Variants in INTU observed in about 807,000 individuals in gnomAD.
INTU encodes the protein inturned planar cell polarity protein.
INTU carries 68 observed loss-of-function variants against 100.5 expected under a neutral mutation model. That is an observed-to-expected ratio of 0.68 (90% CI 0.56 to 0.83). INTU has a LOEUF of 0.83. INTU is among the 40% of genes least tolerant of loss of function. INTU has a pLI of 0.00. For missense variants in INTU, 1,071 were observed against 1,114.7 expected (o/e 0.96, Z 0.56); for synonymous variants, 357 against 395.7 (o/e 0.90, Z 1.16).
At position 127,687,829 on chromosome 4, in the gene INTU, C is replaced by T. The variant is rs867169973; in HGVS notation, c.1411C>T (p.Pro471Ser). The T allele has an allele frequency of 6.3e-7, 1 of 1,599,968 alleles. No individual in the cohort carries two copies. The highest frequency in any genetic ancestry group is 1.7e-5 in the Admixed American group (1 of 59,454). The change falls in exon 8 of 16, where the codon CCT becomes TCT. Residue 471 changes from proline (P) to serine (S), a missense_variant. By Grantham distance (74) the Pro-to-Ser change is moderately conservative. Coordinates refer to ENST00000335251, the MANE Select transcript of INTU (RefSeq NM_015693.4). ...CAGTGCAGTACTTTTAGACAACCTC[C>T]CTGGAGTCCGGTGGCTCACACTTCC... Reference protein sequence around the residue: ...ASSAVLLDNLPGVRWLTLPLE... With the variant: ...ASSAVLLDNLSGVRWLTLPLE...
At chr4:127,706,992 A>G (rs376149191) in intron 12 of INTU, 23 bp downstream of exon 12, 3 of 1,585,658 alleles carry the variant, frequency 1.9e-6, no homozygotes, top group Middle Eastern at 1.7e-4. Context: ...TCAAGTGTGT[A>G]TGTTCTGGGA....
At chr4:127,663,673 A>T (rs1465834605) in intron 4 of INTU, 89 bp downstream of exon 4, 4 of 951,052 alleles carry the variant, frequency 4.2e-6, no homozygotes, top group Non-Finnish European at 6.5e-6. Flanking sequence ...CCCAGTGAAT[A>T]GTGAGTATAT....
intron 2 of INTU, among the ~76,000 whole-genome samples, chr4:127,653,496 G>T (rs1016346843): frequency 4.6e-5 from 7 of 151,620 alleles, no homozygotes; most frequent in East Asian, 1.9e-4. Flanking sequence ...AGTCATTCAG[G>T]AGCAGGTTGT....
At chr4:127,700,240 C>T (rs1487253548) in intron 9 of INTU, among the ~76,000 whole-genome samples, 177 bp downstream of exon 9, 6 of 152,042 alleles carry the variant, frequency 3.9e-5, no homozygotes, top group Admixed American at 3.9e-4. Context: ...TGAGTTTAAA[C>T]AGTTGTTACA....
At chr4:127,657,130 A>C (rs898759613) in intron 3 of INTU, among the ~76,000 whole-genome samples, 25 of 152,162 alleles carry the variant, frequency 1.6e-4, no homozygotes, top group Non-Finnish European at 3.4e-4. Context: ...TTTTATTTTA[A>C]AAACAAATCA....
At position 127,706,512 on chromosome 4, in the gene INTU, T is replaced by G. The variant is rs1201638254; in HGVS notation, c.1814T>G (p.Leu605Ter). ...GLKHYMLCVL[L>*]EAGGCASKAI... The stretch of plus-strand genomic sequence containing the variant: ...AAACATTATATGCTATGTGTACTAT[T>G]AGAAGCTGGAGGTTGCGCATCCAAA... Residue 605 changes from leucine (L) to a stop codon, truncating the protein, a stop_gained, in exon 12 of 16, where the codon TTA becomes TGA. Coordinates refer to ENST00000335251, the MANE Select transcript of INTU (RefSeq NM_015693.4). LOFTEE classifies it high-confidence loss of function. 4.3e-6 allele frequency: 7 copies of G among 1,613,540 alleles called. No individual in the cohort carries two copies. In the South Asian group the frequency reaches 7.7e-5, roughly 18 times the overall value.
intron 14 of INTU, among the ~76,000 whole-genome samples, chr4:127,712,124 C>T (rs913963560): frequency 5.9e-5 from 9 of 152,096 alleles, no homozygotes; most frequent in African/African-American, 2.2e-4. Flanking sequence ...TTGTGAAGAA[C>T]TTGGGTTTAA....
intron 1 of INTU, among the ~76,000 whole-genome samples, chr4:127,639,010 A>G (rs1727194187): frequency 6.6e-6 from 1 of 152,154 alleles, no homozygotes; most frequent in Non-Finnish European, 1.5e-5. Flanking sequence ...GTAAGTTTAG[A>G]TTTACACAAG....
intron 8 of INTU, among the ~76,000 whole-genome samples, chr4:127,698,807 T>G (rs910729931): frequency 9.2e-5 from 14 of 152,204 alleles, no homozygotes; most frequent in Admixed American, 7.9e-4. Context: ...GTAGCAGGAA[T>G]AGCAACTCAT....
Position 127,636,714 on chromosome 4 carries a change from CAAT to C in INTU, c.146+3535_146+3537del, listed in dbSNP as rs1364876928. ...CCAGAGTTACATCATATCCCCAACT[CAAT>C]GATGTGTAGAAATGCTGACTTTCCT... On this transcript the variant is annotated intron_variant, in intron 1 of 15. Coordinates refer to ENST00000335251, the MANE Select transcript of INTU (RefSeq NM_015693.4). Among the ~76,000 whole-genome samples, 9 of 151,998 alleles carry C rather than the reference CAAT, an allele frequency of 5.9e-5. No individual in the cohort carries two copies. In the South Asian group the frequency reaches 6.2e-4, roughly 11 times the overall value.
chr4:127,659,333 A>C (rs1040323064), intron 3 of INTU, among the ~76,000 whole-genome samples: 1 of 152,136 alleles, frequency 6.6e-6, no homozygotes, highest in East Asian at 1.9e-4. Context: ...CATATAGAGA[A>C]GAGAGGAGTA....
intron 6 of INTU, among the ~76,000 whole-genome samples, chr4:127,681,650 C>G (rs1170793337): frequency 6.6e-6 from 1 of 152,098 alleles, no homozygotes; most frequent in Non-Finnish European, 1.5e-5. Flanking sequence ...CATAAAAACC[C>G]TAGAAGAAAA....
intron 9 of INTU, among the ~76,000 whole-genome samples, chr4:127,701,452 G>A (rs1383971863): frequency 6.6e-6 from 1 of 152,122 alleles, no homozygotes; most frequent in Non-Finnish European, 1.5e-5. Context: ...ATCTATTCAT[G>A]AGTCTCATAC....
Position 127,633,132 on chromosome 4 carries a change from A to G in INTU, c.98A>G (p.Asp33Gly). The G allele has an allele frequency of 1.9e-6, 3 of 1,614,062 alleles. No homozygotes were observed. Among genetic ancestry groups the G allele is most frequent in the Non-Finnish European group, 2.5e-6 (3 of 1,179,946 alleles). Reference sequence around the variant, plus strand: ...GAAGATGAGGACTATGATTTTGAAGATCGGGTCAGCGACTCGGGTTCATAT... The same window carrying G: ...GAAGATGAGGACTATGATTTTGAAGGTCGGGTCAGCGACTCGGGTTCATAT... The part of the protein sequence containing the change: ...QEEDEDYDFE[D>G]RVSDSGSYSS... The change falls in exon 1 of 16, where the codon GAT (aspartate) becomes GGT (glycine). Residue 33 changes from aspartate (D) to glycine (G), a missense_variant. Transcript: ENST00000335251.
chr4:127,638,549 T>C (rs2126172781), intron 1 of INTU, among the ~76,000 whole-genome samples: 1 of 152,282 alleles, frequency 6.6e-6, no homozygotes, highest in East Asian at 1.9e-4. Context: ...AAAGATGTAG[T>C]GTTGACCTAG....
rs1394647501 is a variant in INTU at position 127,718,219 on chromosome 4, G to C, written c.*1783G>C. ...TGCATATGGATAGCTAGTTCTCCCA[G>C]CACCATTTATTAAATAAGGAATCCT... On this transcript the variant is annotated 3_prime_UTR_variant, in exon 16 of 16. Coordinates refer to ENST00000335251, the MANE Select transcript of INTU (RefSeq NM_015693.4). 3.3e-5 allele frequency: 5 copies of C among 152,136 alleles called. No individual in the cohort carries two copies. Among genetic ancestry groups the C allele is most frequent in the Non-Finnish European group, 7.4e-5 (5 of 68,020 alleles). The allele number at this position is 152,136 out of a possible 1,614,324, so 9.4% of individuals were successfully genotyped here.
At chr4:127,668,962 C>G in intron 4 of INTU, 74 bp from the exon 5 acceptor site, 2 of 639,584 alleles carry the variant, frequency 3.1e-6, no homozygotes, top group South Asian at 2.4e-5. Context: ...TTTCTTAACA[C>G]AAAGTTTGAA....
intron 3 of INTU, among the ~76,000 whole-genome samples, chr4:127,661,748 C>A (rs183687304): frequency 7.0e-4 from 106 of 152,242 alleles, no homozygotes; most frequent in African/African-American, 2.3e-3. Context: ...CATATACTTT[C>A]TTTTGGGTAC....
intron 8 of INTU, chr4:127,699,417 C>T (rs1730545068): frequency 1.3e-5 from 2 of 152,084 alleles, no homozygotes. Context: ...GGTAGTTGAA[C>T]TGTGCCAGAT....
Sources: allele counts gnomAD v4.1 joint callset (sites outside exome capture counted in the v4.1 genomes callset), GRCh38; gene constraint gnomAD v4.1.1; transcripts MANE v1.5; gene names NCBI Gene and HGNC (gene_info 2026-07-23, HGNC 2026-07-21).